The following NRG1 variants were observed in gnomAD, a reference collection of about 807,000 sequenced individuals.
NRG1 encodes the protein neuregulin 1.
In NRG1, 18 loss-of-function variants were observed where a neutral mutation model predicts 63.8. That is an observed-to-expected ratio of 0.28 (90% CI 0.19 to 0.42). The LOEUF (loss-of-function observed/expected upper bound fraction) is 0.42. Among genes scored for constraint, NRG1 ranks in the 10% least tolerant of loss-of-function variants. NRG1 has a pLI of 1.00. For synonymous variants in NRG1, 302 were observed against 301.3 expected (o/e 1.00, Z -0.02); for missense variants, 762 against 814.7 (o/e 0.94, Z 0.79).
chr8:31,941,835 G>T (rs1276005853), intron 1 of NRG1, among the ~76,000 whole-genome samples: 1 of 152,050 alleles, frequency 6.6e-6, no homozygotes, highest in African/African-American at 2.4e-5. Flanking sequence ...CCTAAACAAG[G>T]ATGTGAAAGA....
At chr8:32,054,863 C>CTTTTT (rs543522972) in intron 1 of NRG1, among the ~76,000 whole-genome samples, 12 of 64,020 alleles carry the variant, frequency 1.9e-4, no homozygotes, top group South Asian at 7.5e-4. Context: ...TTCTTTCTTT[C>CTTTTT]TTTTTTTTTT....
At chr8:32,049,732 A>T in intron 1 of NRG1, among the ~76,000 whole-genome samples, 1 of 152,312 alleles carries the variant, frequency 6.6e-6, no homozygotes, top group Non-Finnish European at 1.5e-5. Flanking sequence ...ACAGTTCTGT[A>T]TTCTACAAAC....
intron 1 of NRG1, among the ~76,000 whole-genome samples, chr8:31,776,948 G>C (rs1023308953): frequency 8.5e-5 from 13 of 152,148 alleles, no homozygotes; most frequent in African/African-American, 2.9e-4. Context: ...CACTGTTGGT[G>C]GGGCTGTAAA....
At chr8:32,141,717 A>G (rs1489063783) in intron 1 of NRG1, among the ~76,000 whole-genome samples, 1 of 149,760 alleles carries the variant, frequency 6.7e-6, no homozygotes, top group Non-Finnish European at 1.5e-5. Context: ...AAAATTGACA[A>G]CTCTTCTGGC....
rs116984080 is a variant in NRG1, at chr8:31,711,689, A to T, written c.37+72258A>T. ...TCTTCTGTTAAGGCTGCTATCACAA[A>T]TTATCATAATCTAAGTGGCTTATGA... On this transcript the variant is annotated intron_variant, in intron 1 of 10. Transcript: ENST00000519301. Among the ~76,000 whole-genome samples, 1,123 of 152,272 alleles carry T rather than the reference A, an allele frequency of 7.4e-3. 45 individuals carry two copies. The South Asian group carries it at 0.12, about 16-fold the overall frequency.
chr8:31,908,410 T>C (rs1023366407), intron 1 of NRG1, among the ~76,000 whole-genome samples: 2 of 152,172 alleles, frequency 1.3e-5, no homozygotes, highest in African/African-American at 4.8e-5. Context: ...AGGGCTCCAT[T>C]TGTATGGAGA....
chr8:32,453,453 A>G (rs1356330810), intron 1 of NRG1, among the ~76,000 whole-genome samples: 1 of 152,224 alleles, frequency 6.6e-6, no homozygotes, highest in Non-Finnish European at 1.5e-5. Flanking sequence ...GGCCTCCCAC[A>G]TAAACTTCAC....
At chr8:32,752,925 G>A (rs2129051270) in intron 7 of NRG1, among the ~76,000 whole-genome samples, 1 of 152,224 alleles carries the variant, frequency 6.6e-6, no homozygotes, top group East Asian at 1.9e-4. Flanking sequence ...CGGCTTGTAG[G>A]AAATGTTTTG....
At chr8:32,034,999 G>T (rs1200250100) in intron 1 of NRG1, among the ~76,000 whole-genome samples, 2 of 151,726 alleles carry the variant, frequency 1.3e-5, no homozygotes, top group African/African-American at 4.8e-5. Context: ...TTTGTGGTTT[G>T]TTTACTCTTG....
chr8:31,955,914 G>T (rs1804286196), intron 1 of NRG1, among the ~76,000 whole-genome samples: 1 of 151,538 alleles, frequency 6.6e-6, no homozygotes, highest in African/African-American at 2.4e-5. Flanking sequence ...GGTAGTGTCT[G>T]CCTGTAGTCC....
At chr8:32,074,375 G>A (rs993257108) in intron 1 of NRG1, among the ~76,000 whole-genome samples, 5 of 152,154 alleles carry the variant, frequency 3.3e-5, no homozygotes, top group East Asian at 1.9e-4. Context: ...AATTGTAGAA[G>A]CTTGAGCCTC....
intron 5 of NRG1, among the ~76,000 whole-genome samples, chr8:32,710,136 A>G (rs1396837380): frequency 6.6e-6 from 1 of 152,216 alleles, no homozygotes; most frequent in African/African-American, 2.4e-5. Context: ...CTTTTAATTA[A>G]GGAGTGCTAC....
At chr8:32,076,545 A>C (rs1826586031) in intron 1 of NRG1, among the ~76,000 whole-genome samples, 1 of 152,056 alleles carries the variant, frequency 6.6e-6, no homozygotes, top group African/African-American at 2.4e-5. Flanking sequence ...GGACTGTGGA[A>C]CAGCACACAC....
At chr8:32,537,954 T>G (rs1407232577) in intron 1 of NRG1, among the ~76,000 whole-genome samples, 1 of 152,044 alleles carries the variant, frequency 6.6e-6, no homozygotes, top group African/African-American at 2.4e-5. Context: ...TGGGTTCAAG[T>G]GATTCTCCTC....
chr8:32,470,206 A>C (rs1300341457), intron 1 of NRG1, among the ~76,000 whole-genome samples: 1 of 126,730 alleles, frequency 7.9e-6, no homozygotes. Flanking sequence ...TTTTACACAG[A>C]GTCTCGCTCT....
At chr8:32,017,759 C>CGGAA (rs1172962018) in intron 1 of NRG1, among the ~76,000 whole-genome samples, 4 of 152,152 alleles carry the variant, frequency 2.6e-5, no homozygotes, top group African/African-American at 4.8e-5. Context: ...GTGGAGCTTC[C>CGGAA]CTCCTGGGCA....
intron 1 of NRG1, among the ~76,000 whole-genome samples, chr8:32,129,443 A>G (rs2131616391): frequency 6.6e-6 from 1 of 152,022 alleles, no homozygotes; most frequent in South Asian, 2.1e-4. Context: ...TTGTTGTCAT[A>G]TAGCATTCCT....
At chr8:32,626,818 T>A (rs1588807950) in intron 5 of NRG1, among the ~76,000 whole-genome samples, 1 of 151,962 alleles carries the variant, frequency 6.6e-6, no homozygotes, top group East Asian at 1.9e-4. Flanking sequence ...GTCAGGAATT[T>A]GAGACCAGCC....
chr8:31,688,206 T>A (rs555011032), intron 1 of NRG1, among the ~76,000 whole-genome samples: 16 of 152,276 alleles, frequency 1.1e-4, no homozygotes, highest in Middle Eastern at 6.8e-3. Context: ...TCCCCCAGAT[T>A]TATATGTTGA....
Sources: allele counts gnomAD v4.1 joint callset (sites outside exome capture counted in the v4.1 genomes callset), GRCh38; gene constraint gnomAD v4.1.1; transcripts MANE v1.5; gene names NCBI Gene and HGNC (gene_info 2026-07-23, HGNC 2026-07-21).